ADGRL2: variants seen among roughly 807,000 people sequenced by gnomAD.
ADGRL2 encodes the protein adhesion G protein-coupled receptor L2.
A neutral mutation model predicts 157.4 loss-of-function variants in ADGRL2; 44 were observed. The ratio of observed to expected loss-of-function variants is 0.28; its 90% CI spans 0.22 to 0.36. The LOEUF is 0.36. ADGRL2 is among the 10% of genes least tolerant of loss of function. ADGRL2 has a pLI of 1.00. For synonymous variants in ADGRL2, 585 were observed against 624.7 expected (o/e 0.94, Z 0.95); for missense variants, 1,510 against 1,768.9 (o/e 0.85, Z 2.63).
chr1:81,940,906 C>T (rs758692055), intron 4 of ADGRL2, among the ~76,000 whole-genome samples: 8 of 148,758 alleles, frequency 5.4e-5, no homozygotes, highest in Non-Finnish European at 1.0e-4. Flanking sequence ...TTCCTAACTT[C>T]ATAATCTGTT....
intron 1 of ADGRL2, among the ~76,000 whole-genome samples, chr1:81,308,293 G>A (rs1339628354): frequency 2.0e-5 from 3 of 152,116 alleles, no homozygotes; most frequent in Non-Finnish European, 2.9e-5. Flanking sequence ...AGACACTGTC[G>A]CTGGAGAATT....
intron 1 of ADGRL2, chr1:81,426,421 T>C (rs550152538): frequency 5.5e-6 from 2 of 361,380 alleles, no homozygotes; most frequent in Middle Eastern, 9.9e-4. Flanking sequence ...CAGTAGATAG[T>C]GAACTCGAGT....
intron 9 of ADGRL2, 77 bp from the exon 10 acceptor site, chr1:81,952,910 T>A: frequency 8.4e-7 from 1 of 1,192,080 alleles, no homozygotes; most frequent in South Asian, 1.2e-5. Context: ...CCAGCTTAAT[T>A]TTTGAGGATT....
chr1:81,747,436 G>T (rs1169588553), intron 1 of ADGRL2, among the ~76,000 whole-genome samples: 1 of 151,648 alleles, frequency 6.6e-6, no homozygotes, highest in Non-Finnish European at 1.5e-5. Context: ...AAGTAGCTGG[G>T]ATTACAGGCG....
chr1:81,703,907 G>A (rs2149043629), intron 1 of ADGRL2, among the ~76,000 whole-genome samples: 1 of 152,304 alleles, frequency 6.6e-6, no homozygotes, highest in East Asian at 1.9e-4. Context: ...CACTAAGGAA[G>A]GAAGTGTGGG....
chr1:81,626,430 T>C (rs906394781), intron 3 of ADGRL2, among the ~76,000 whole-genome samples: 17 of 152,284 alleles, frequency 1.1e-4, no homozygotes, highest in African/African-American at 4.1e-4. Flanking sequence ...CTCAGCCCCC[T>C]AAGTAGCTGG....
chr1:81,762,840 C>G (rs1487780492), intron 2 of ADGRL2, among the ~76,000 whole-genome samples: 1 of 151,720 alleles, frequency 6.6e-6, no homozygotes, highest in Non-Finnish European at 1.5e-5. Flanking sequence ...ATCACGAGGT[C>G]AGGAGATCAA....
intron 1 of ADGRL2, among the ~76,000 whole-genome samples, chr1:81,307,801 C>T (rs1004342341): frequency 6.7e-6 from 1 of 148,840 alleles, no homozygotes; most frequent in Non-Finnish European, 1.5e-5. Context: ...TATCTCAATG[C>T]CAAAAATGTG....
intron 11 of ADGRL2, among the ~76,000 whole-genome samples, chr1:81,958,025 C>T (rs1227531409): frequency 1.3e-5 from 2 of 151,732 alleles, no homozygotes; most frequent in Non-Finnish European, 2.9e-5. Flanking sequence ...AATGGGAGGC[C>T]GAGGTGGATG....
chr1:81,907,579 G>A (rs1273996828), intron 3 of ADGRL2, among the ~76,000 whole-genome samples: 1 of 151,858 alleles, frequency 6.6e-6, no homozygotes, highest in East Asian at 1.9e-4. Context: ...AAGTGCCTGG[G>A]TCTTTGGCAT....
intron 2 of ADGRL2, among the ~76,000 whole-genome samples, chr1:81,453,258 C>A (rs2101750669): frequency 6.6e-6 from 1 of 152,204 alleles, no homozygotes; most frequent in Non-Finnish European, 1.5e-5. Context: ...CAGAGAAAAC[C>A]AAACTTAATA....
At chr1:81,726,295 C>G (rs542654659) in intron 1 of ADGRL2, among the ~76,000 whole-genome samples, 1 of 152,132 alleles carries the variant, frequency 6.6e-6, no homozygotes, top group South Asian at 2.1e-4. Context: ...CTGGACTCAT[C>G]CCTGCGGCCA....
chr1:81,441,870 C>T (rs1452323757), intron 1 of ADGRL2, among the ~76,000 whole-genome samples: 1 of 152,152 alleles, frequency 6.6e-6, no homozygotes, highest in Non-Finnish European at 1.5e-5. Context: ...GACAGGGTCT[C>T]ACTGTGCTGC....
chr1:81,635,117 A>G lies in ADGRL2; in HGVS notation c.-143+54137A>G, dbSNP rs572487118. 5.3e-5 allele frequency among the ~76,000 whole-genome samples: 8 copies of G among 152,248 alleles called. No individual in the cohort carries two copies. In the East Asian group the frequency reaches 1.6e-3, roughly 30 times the overall value. On this transcript the variant is annotated intron_variant, in intron 3 of 24. Transcript: ENST00000370721. ...GTAGGATGATCCGGAGTTAAGTTCC[A>G]AGTGGTTTATCAAAGGAGCCCCAGA...
At chr1:81,320,743 T>C (rs757206628) in intron 1 of ADGRL2, among the ~76,000 whole-genome samples, 1 of 152,224 alleles carries the variant, frequency 6.6e-6, no homozygotes, top group Non-Finnish European at 1.5e-5. Flanking sequence ...ATCCAGGCTT[T>C]GTCATTTCAT....
chr1:81,479,407 C>G (rs961038781), intron 2 of ADGRL2, among the ~76,000 whole-genome samples: 1 of 151,968 alleles, frequency 6.6e-6, no homozygotes. Flanking sequence ...CACTTGAACC[C>G]AGGATGCAGA....
rs115787698 is a variant in ADGRL2 at position 81,879,568 on chromosome 1, T to G, written c.74-27449T>G. ...ATTTGCCTAAGTGAGCCAGGTAGAT[T>G]TATAATGAGAAAGAAAGAAGTTTTT... On this transcript the variant is annotated intron_variant, in intron 2 of 23. Coordinates refer to ENST00000686636, the MANE Select transcript of ADGRL2 (RefSeq NM_001366006.2). 6.3e-3 allele frequency among the ~76,000 whole-genome samples: 960 copies of G among 151,304 alleles called. 7 individuals are homozygous for G. Among genetic ancestry groups the G allele is most frequent in the African/African-American group, 0.022 (900 of 41,348 alleles).
chr1:81,975,357 A>G (rs1317522172), intron 17 of ADGRL2, among the ~76,000 whole-genome samples: 3 of 152,080 alleles, frequency 2.0e-5, no homozygotes, highest in Non-Finnish European at 4.4e-5. Flanking sequence ...CTTTCAACCT[A>G]TGCCAAAATA....
At chr1:81,348,473 G>A (rs1460150944) in intron 1 of ADGRL2, among the ~76,000 whole-genome samples, 2 of 152,146 alleles carry the variant, frequency 1.3e-5, no homozygotes, top group Non-Finnish European at 2.9e-5. Flanking sequence ...AAAGGGAGTG[G>A]TGATATGGGG....
Sources: gnomAD v4.1 joint callset for allele counts (sites outside exome capture counted in the v4.1 genomes callset) on GRCh38, gnomAD v4.1.1 for gene constraint, MANE v1.5 for transcripts, NCBI Gene and HGNC (gene_info 2026-07-23, HGNC 2026-07-21) for gene names.